CCDC172: variants seen among roughly 807,000 people sequenced by gnomAD.
CCDC172 encodes the protein coiled-coil domain containing 172, also known as coiled-coil domain-containing protein 172.
CCDC172 carries 30 observed loss-of-function variants against 38.0 expected under a neutral mutation model. The observed-to-expected ratio is 0.79, with a 90% CI of 0.59 to 1.07. The LOEUF (loss-of-function observed/expected upper bound fraction) is 1.07. Among genes scored for constraint, CCDC172 ranks in the 50% least tolerant of loss-of-function variants. CCDC172 has a pLI of 0.00. For missense variants in CCDC172, 297 were observed against 290.1 expected, an observed-to-expected ratio of 1.02 and a Z score of -0.17; for synonymous variants, 78 against 88.3, an observed-to-expected ratio of 0.88 and a Z score of 0.66.
At chr10:116,344,684 AATTAAC>A (rs1165368234) in intron 5 of CCDC172, among the ~76,000 whole-genome samples, 2 of 152,178 alleles carry the variant, frequency 1.3e-5, no homozygotes, top group African/African-American at 2.4e-5. Context: ...TTCCAAAGTA[AATTAAC>A]ATTAACTTCA....
At chr10:116,346,988 G>A (rs1589952343) in intron 5 of CCDC172, among the ~76,000 whole-genome samples, 1 of 152,248 alleles carries the variant, frequency 6.6e-6, no homozygotes, top group South Asian at 2.1e-4. Context: ...AGGAAGTTAA[G>A]GAAGATTTCC....
chr10:116,352,016 C>T (rs949397996), intron 5 of CCDC172, among the ~76,000 whole-genome samples: 15 of 152,066 alleles, frequency 9.9e-5, no homozygotes, highest in African/African-American at 3.6e-4. Context: ...GACAGGAAAC[C>T]CCACTGGGCT....
intron 7 of CCDC172, among the ~76,000 whole-genome samples, chr10:116,368,883 T>C (rs1845155349): frequency 6.6e-6 from 1 of 152,060 alleles, no homozygotes; most frequent in Non-Finnish European, 1.5e-5. Context: ...CCATTCTGTA[T>C]GTATGTCTTC....
At chr10:116,345,331 TA>T (rs1844852519) in intron 5 of CCDC172, among the ~76,000 whole-genome samples, 2 of 152,176 alleles carry the variant, frequency 1.3e-5, no homozygotes. Context: ...CACCGTATTA[TA>T]AATTAACTCA....
chr10:116,354,160 A>T (rs1208161178), intron 5 of CCDC172, among the ~76,000 whole-genome samples: 2 of 152,188 alleles, frequency 1.3e-5, no homozygotes, highest in African/African-American at 4.8e-5. Flanking sequence ...AACATATTAC[A>T]TGTTTTTGTG....
intron 3 of CCDC172, among the ~76,000 whole-genome samples, chr10:116,333,722 A>T (rs1472907852): frequency 6.6e-6 from 1 of 152,150 alleles, no homozygotes; most frequent in African/African-American, 2.4e-5. Flanking sequence ...CCCTAATCAG[A>T]TTACTGTCTC....
Position 116,378,442 on chromosome 10 carries a change from C to T in CCDC172, c.673C>T (p.Leu225Phe), listed in dbSNP as rs1185577702. 2 of 1,595,866 alleles carry T rather than the reference C, an allele frequency of 1.3e-6. No individual in the cohort carries two copies. The highest frequency in any genetic ancestry group is 3.6e-5 in the Admixed American group (2 of 55,880). ...AAATAGACTTAAAAAAGAATTAGAA[C>T]TTTATAAGGAAGATGACATGGAAAG... is the stretch of plus-strand genomic sequence containing the variant. ...ECLRLKKELE[L>F]YKEDDMESVY... Residue 225 changes from leucine (L) to phenylalanine (F), a missense_variant, in exon 8 of 9, where the codon CTT (leucine) becomes TTT (phenylalanine). Leu to Phe is a conservative substitution (Grantham distance 22). Transcript: ENST00000333254.
intron 5 of CCDC172, among the ~76,000 whole-genome samples, chr10:116,343,273 G>A (rs1844817962): frequency 6.6e-6 from 1 of 152,120 alleles, no homozygotes; most frequent in Non-Finnish European, 1.5e-5. Context: ...CTCAGCCAAA[G>A]AAACAGTTGC....
chr10:116,353,980 G>T (rs1169564542), intron 5 of CCDC172, among the ~76,000 whole-genome samples: 1 of 152,176 alleles, frequency 6.6e-6, no homozygotes, highest in Non-Finnish European at 1.5e-5. Flanking sequence ...ATGATTCAAT[G>T]ATTCCACTTC....
chr10:116,355,723 C>G (rs1344768980), intron 5 of CCDC172, among the ~76,000 whole-genome samples: 1 of 152,092 alleles, frequency 6.6e-6, no homozygotes, highest in Non-Finnish European at 1.5e-5. Context: ...ATGCAAAAGA[C>G]CACATATTGT....
At chr10:116,375,507 C>T (rs570545213) in intron 7 of CCDC172, among the ~76,000 whole-genome samples, 42 of 137,776 alleles carry the variant, frequency 3.0e-4, no homozygotes, top group African/African-American at 1.1e-3. Flanking sequence ...CACATGTTCT[C>T]ATTGTTCAGT....
intron 3 of CCDC172, among the ~76,000 whole-genome samples, chr10:116,336,800 C>T (rs924455817): frequency 2.6e-5 from 4 of 151,982 alleles, no homozygotes; most frequent in African/African-American, 9.7e-5. Flanking sequence ...ACAAAGAGGA[C>T]CTATGTACTT....
intron 3 of CCDC172, among the ~76,000 whole-genome samples, chr10:116,330,220 G>T (rs1465164782): frequency 6.6e-6 from 1 of 152,156 alleles, no homozygotes; most frequent in Non-Finnish European, 1.5e-5. Context: ...ACAAAAATTA[G>T]AATTTTGGAG....
chr10:116,370,455 A>G (rs1414678611), intron 7 of CCDC172, among the ~76,000 whole-genome samples: 1 of 151,966 alleles, frequency 6.6e-6, no homozygotes, highest in African/African-American at 2.4e-5. Flanking sequence ...TCTCAACACA[A>G]TTTAATGAAG....
chr10:116,359,697 T>G (rs977020872), intron 7 of CCDC172, among the ~76,000 whole-genome samples: 8 of 152,250 alleles, frequency 5.3e-5, no homozygotes, highest in African/African-American at 1.9e-4. Flanking sequence ...TTATGACTTC[T>G]ACATTCATTA....
chr10:116,333,179 T>A (rs1336336829), intron 3 of CCDC172, among the ~76,000 whole-genome samples: 5 of 152,176 alleles, frequency 3.3e-5, no homozygotes, highest in African/African-American at 1.2e-4. Flanking sequence ...ATCTCTTCTG[T>A]TAACAGTATT....
intron 3 of CCDC172, among the ~76,000 whole-genome samples, chr10:116,327,872 C>A (rs1486246382): frequency 6.6e-6 from 1 of 152,026 alleles, no homozygotes; most frequent in East Asian, 1.9e-4. Flanking sequence ...AAATTGATTT[C>A]TTGTTTCTTT....
intron 7 of CCDC172, among the ~76,000 whole-genome samples, chr10:116,368,758 C>T (rs1845153720): frequency 6.6e-6 from 1 of 151,904 alleles, no homozygotes; most frequent in Admixed American, 6.6e-5. Context: ...TACTGGATGT[C>T]ATTGCTTCTA....
intron 8 of CCDC172, among the ~76,000 whole-genome samples, chr10:116,378,808 A>G (rs1430142661): frequency 1.3e-5 from 2 of 152,188 alleles, no homozygotes; most frequent in Non-Finnish European, 2.9e-5. Flanking sequence ...TGAAACTGTT[A>G]TTAGAGGATT....
Sources: gnomAD v4.1 joint callset for allele counts (sites outside exome capture counted in the v4.1 genomes callset) on GRCh38, gnomAD v4.1.1 for gene constraint, MANE v1.5 for transcripts, NCBI Gene and HGNC (gene_info 2026-07-23, HGNC 2026-07-21) for gene names.